IKZF3: variants seen among roughly 807,000 people sequenced by gnomAD.
IKZF3 encodes the protein zinc finger protein Aiolos.
Under a neutral mutation model 49.0 loss-of-function variants are expected in IKZF3, and 10 were observed. That is an observed-to-expected ratio of 0.20 (90% CI 0.13 to 0.35). The LOEUF is 0.35. Among genes scored for constraint, IKZF3 ranks in the 10% least tolerant of loss-of-function variants. The pLI, the probability that IKZF3 is intolerant of heterozygous loss-of-function variation, is 1.00. For missense variants in IKZF3, 498 were observed against 664.8 expected, an observed-to-expected ratio of 0.75 and a Z score of 2.76; for synonymous variants, 209 against 228.2, an observed-to-expected ratio of 0.92 and a Z score of 0.76.
chr17:39,854,349 A>C (rs565405938), intron 1 of IKZF3, among the ~76,000 whole-genome samples: 1 of 152,256 alleles, frequency 6.6e-6, no homozygotes, highest in East Asian at 1.9e-4. Context: ...AAAATTTAAA[A>C]AACAAGGAAA....
intron 3 of IKZF3, among the ~76,000 whole-genome samples, chr17:39,795,631 T>G (rs1255533401): frequency 1.3e-5 from 2 of 151,696 alleles, no homozygotes. Context: ...GGTCTCGAAC[T>G]CCTGACCTCA....
chr17:39,813,245 A>G (rs2061603096), intron 3 of IKZF3, among the ~76,000 whole-genome samples: 1 of 151,918 alleles, frequency 6.6e-6, no homozygotes, highest in African/African-American at 2.4e-5. Context: ...TCTTTGGCAG[A>G]TGTCAAATAT....
At chr17:39,838,398 G>A (rs933121469) in intron 1 of IKZF3, among the ~76,000 whole-genome samples, 3 of 151,956 alleles carry the variant, frequency 2.0e-5, no homozygotes, top group African/African-American at 4.8e-5. Flanking sequence ...TTAATTTGCT[G>A]TTAAGCCTAT....
intron 1 of IKZF3, among the ~76,000 whole-genome samples, chr17:39,856,182 T>C (rs1212074013): frequency 1.3e-5 from 2 of 152,118 alleles, no homozygotes; most frequent in Non-Finnish European, 2.9e-5. Flanking sequence ...TGTTAGTGAG[T>C]AGTTGATTAC....
intron 3 of IKZF3, among the ~76,000 whole-genome samples, chr17:39,820,960 C>T (rs1423806999): frequency 6.6e-6 from 1 of 152,168 alleles, no homozygotes; most frequent in Non-Finnish European, 1.5e-5. Context: ...ATGGAAGCTC[C>T]ACGTCACCCC....
intron 2 of IKZF3, among the ~76,000 whole-genome samples, chr17:39,831,165 T>C (rs1203549472): frequency 6.6e-6 from 1 of 152,188 alleles, no homozygotes; most frequent in African/African-American, 2.4e-5. Context: ...GCGGATCACC[T>C]GAGGTTGGGA....
At chr17:39,768,108 T>C (rs1278219601) in intron 7 of IKZF3, among the ~76,000 whole-genome samples, 1 of 152,192 alleles carries the variant, frequency 6.6e-6, no homozygotes, top group African/African-American at 2.4e-5. Flanking sequence ...GCTTTTATTC[T>C]AAATGCCCAC....
At chr17:39,854,252 G>A (rs762873131) in intron 1 of IKZF3, among the ~76,000 whole-genome samples, 1 of 151,740 alleles carries the variant, frequency 6.6e-6, no homozygotes, top group Non-Finnish European at 1.5e-5. Flanking sequence ...GTAGATAGAC[G>A]TATTTGTAGA....
At position 39,766,468 on chromosome 17, in the gene IKZF3, G is replaced by GAAT. The variant is rs761921356; in HGVS notation, c.851_852insATT (p.Val284_Asn285insPhe). The GAAT allele has an allele frequency of 6.2e-7, 1 of 1,612,356 alleles. No individual in the cohort carries two copies. The highest frequency in any genetic ancestry group is 1.7e-5 in the Admixed American group (1 of 60,012). On this transcript the variant is annotated inframe_insertion, in exon 8 of 8. Coordinates refer to ENST00000346872, the MANE Select transcript of IKZF3 (RefSeq NM_012481.5). ...CATACATGTAACTTGAATTATAGTT[G>GAAT]ACATCAAAGCAGTGGCGCTTCTCAC...
chr17:39,811,192 A>C (rs2061543792), intron 3 of IKZF3, among the ~76,000 whole-genome samples: 1 of 147,646 alleles, frequency 6.8e-6, no homozygotes, highest in African/African-American at 2.6e-5. Flanking sequence ...AACTGTGATT[A>C]CACCACTGCA....
At chr17:39,858,781 T>C (rs1172872200) in intron 1 of IKZF3, among the ~76,000 whole-genome samples, 1 of 152,010 alleles carries the variant, frequency 6.6e-6, no homozygotes, top group Non-Finnish European at 1.5e-5. Context: ...TCATTTACTG[T>C]ATACCACTTT....
intron 1 of IKZF3, among the ~76,000 whole-genome samples, chr17:39,837,139 TGCCCAGGTTGGTCTCAAAC>T (rs1476580469): frequency 6.6e-6 from 1 of 151,940 alleles, no homozygotes; most frequent in African/African-American, 2.4e-5. Context: ...CTCACTGTGT[TGCCCAGGTTGGTCTCAAAC>T]TCCTGGGCTC....
chr17:39,804,660 C>G (rs2061395373), intron 3 of IKZF3, among the ~76,000 whole-genome samples: 1 of 152,170 alleles, frequency 6.6e-6, no homozygotes, highest in Non-Finnish European at 1.5e-5. Flanking sequence ...AGCCAGTCAT[C>G]TAGTTGACTT....
chr17:39,815,654 G>A (rs2061662577), intron 3 of IKZF3, among the ~76,000 whole-genome samples: 2 of 152,294 alleles, frequency 1.3e-5, no homozygotes, highest in Admixed American at 6.5e-5. Flanking sequence ...GATATTCCCA[G>A]CACTCATTGG....
chr17:39,808,322 T>C (rs1479778680), intron 3 of IKZF3, among the ~76,000 whole-genome samples: 1 of 152,172 alleles, frequency 6.6e-6, no homozygotes, highest in Non-Finnish European at 1.5e-5. Flanking sequence ...CACCCGCTAC[T>C]TGACAGTAGG....
intron 3 of IKZF3, among the ~76,000 whole-genome samples, chr17:39,800,775 C>T: frequency 6.6e-6 from 1 of 152,076 alleles, no homozygotes; most frequent in South Asian, 2.1e-4. Flanking sequence ...GCTTGTACTC[C>T]AGAGCAGACA....
chr17:39,784,148 G>A (rs2060815785), intron 6 of IKZF3, among the ~76,000 whole-genome samples: 1 of 152,050 alleles, frequency 6.6e-6, no homozygotes, highest in South Asian at 2.1e-4. Flanking sequence ...TATTATTATT[G>A]CTAGAACTCA....
chr17:39,792,319 TAAG>T (rs1479808355), intron 4 of IKZF3, among the ~76,000 whole-genome samples: 3 of 152,134 alleles, frequency 2.0e-5, no homozygotes, highest in Admixed American at 2.0e-4. Flanking sequence ...CCCAATACAA[TAAG>T]AAGATCTGCT....
At chr17:39,826,224 G>A (rs1349611579) in intron 3 of IKZF3, among the ~76,000 whole-genome samples, 3 of 152,064 alleles carry the variant, frequency 2.0e-5, no homozygotes, top group African/African-American at 7.2e-5. Flanking sequence ...TAAATGTTTT[G>A]TAGAGACGAG....
Sources: gnomAD v4.1 joint callset for allele counts (sites outside exome capture counted in the v4.1 genomes callset) on GRCh38, gnomAD v4.1.1 for gene constraint, MANE v1.5 for transcripts, NCBI Gene and HGNC (gene_info 2026-07-23, HGNC 2026-07-21) for gene names.